ALDH1L1: variants seen among roughly 807,000 people sequenced by gnomAD.
The protein encoded by ALDH1L1 is aldehyde dehydrogenase 1 family member L1.
In ALDH1L1, 68 loss-of-function variants were observed where a neutral mutation model predicts 101.1. The observed-to-expected ratio is 0.67, with a 90% CI of 0.55 to 0.82. The LOEUF (loss-of-function observed/expected upper bound fraction) is 0.82, where lower values mean the gene tolerates loss of function less well. Ranked by LOEUF, ALDH1L1 falls within the 40% of genes least tolerant of loss-of-function variation. The probability of loss-of-function intolerance (pLI) is 0.00; values close to 1 mark genes in which losing one functional copy is unlikely to be tolerated. For missense variants in ALDH1L1, 1,087 were observed against 1,172.7 expected (o/e 0.93, Z 1.07); for synonymous variants, 486 against 470.8 (o/e 1.03, Z -0.42).
intron 9 of ALDH1L1, among the ~76,000 whole-genome samples, chr3:126,141,162 AAAG>A (rs1220905660): frequency 6.6e-6 from 1 of 152,128 alleles, no homozygotes; most frequent in Non-Finnish European, 1.5e-5. Context: ...TACAAGACAC[AAAG>A]AAGGACATTA....
At chr3:126,143,341 A>C in intron 9 of ALDH1L1, among the ~76,000 whole-genome samples, 1 of 152,132 alleles carries the variant, frequency 6.6e-6, no homozygotes, top group East Asian at 1.9e-4. Flanking sequence ...TGGGCAGTGC[A>C]TACACCATGG....
At chr3:126,154,366 G>T (rs140960751) in intron 6 of ALDH1L1, among the ~76,000 whole-genome samples, 188 bp downstream of exon 6, 1,565 of 152,336 alleles carry the variant, frequency 0.01, 34 homozygotes, top group African/African-American at 0.036. Flanking sequence ...CTATCCTTTA[G>T]CTACTGCAGG....
At chr3:126,146,973 A>C (rs1279819568) in intron 8 of ALDH1L1, 47 bp from the exon 9 acceptor site, 1 of 1,565,168 alleles carries the variant, frequency 6.4e-7, no homozygotes. Context: ...GGAGCTGGGG[A>C]CAAGTGCCAC....
intron 9 of ALDH1L1, among the ~76,000 whole-genome samples, chr3:126,140,542 C>T (rs755105075): frequency 6.6e-6 from 1 of 152,038 alleles, no homozygotes; most frequent in Admixed American, 6.6e-5. Flanking sequence ...TGTAACTTCT[C>T]TCTTTTTCCT....
intron 1 of ALDH1L1, among the ~76,000 whole-genome samples, chr3:126,161,886 A>C (rs1576478164): frequency 6.6e-6 from 1 of 152,170 alleles, no homozygotes; most frequent in African/African-American, 2.4e-5. Flanking sequence ...TAGTCACTAC[A>C]TTCACCAAGA....
chr3:126,156,369 G>A (rs1025020424), intron 4 of ALDH1L1: 6 of 152,214 alleles, frequency 3.9e-5, no homozygotes, highest in Non-Finnish European at 8.8e-5. Flanking sequence ...AATCTGTGGG[G>A]AAGACAAGTT....
At chr3:126,178,380 CA>C (rs56979863) in intron 1 of ALDH1L1, among the ~76,000 whole-genome samples, 3,329 of 73,392 alleles carry the variant, frequency 0.045, 60 homozygotes, top group African/African-American at 0.12. Context: ...GACCCTGTCT[CA>C]AAAAAAAAAA....
At chr3:126,112,673 G>A (rs1946116339) in intron 19 of ALDH1L1, 109 bp downstream of exon 19, 1 of 1,030,280 alleles carries the variant, frequency 9.7e-7, no homozygotes, top group Non-Finnish European at 1.5e-6. Flanking sequence ...CCTCCAGGAG[G>A]AGCCCAGCCT....
At position 126,160,981 on chromosome 3, in the gene ALDH1L1, G is replaced by A. The variant is rs2081036884; in HGVS notation, c.-2C>T. 6.2e-7 allele frequency: 1 copy of A among 1,614,170 alleles called. No homozygotes were observed. Among genetic ancestry groups the A allele is most frequent in the Non-Finnish European group, 8.5e-7 (1 of 1,180,032 alleles). On this transcript the variant is annotated 5_prime_UTR_variant, in exon 2 of 23. Transcript: ENST00000393434. ...CTGTCCAATCACTGCAATCTTCATG[G>A]TAGCAGGAGGGTTGGAAGGACCTGG... is the stretch of plus-strand genomic sequence containing the variant.
At chr3:126,122,596 TA>T (rs889682606) in intron 16 of ALDH1L1, among the ~76,000 whole-genome samples, 28 of 152,178 alleles carry the variant, frequency 1.8e-4, no homozygotes, top group African/African-American at 6.8e-4. Context: ...TAAAATTAAG[TA>T]ATATATATAG....
At chr3:126,188,940 T>C (rs1321428696) in intron 1 of ALDH1L1, among the ~76,000 whole-genome samples, 1 of 152,128 alleles carries the variant, frequency 6.6e-6, no homozygotes, top group East Asian at 1.9e-4. Flanking sequence ...AATAGCCTGT[T>C]TGTTGTTTTT....
chr3:126,163,275 A>G (rs1011389270), intron 1 of ALDH1L1, among the ~76,000 whole-genome samples: 13 of 152,332 alleles, frequency 8.5e-5, no homozygotes, highest in African/African-American at 3.1e-4. Context: ...TAGAAATACA[A>G]TTGATTTTGT....
intron 1 of ALDH1L1, among the ~76,000 whole-genome samples, chr3:126,174,945 A>G (rs1395377347): frequency 6.6e-6 from 1 of 152,152 alleles, no homozygotes; most frequent in Non-Finnish European, 1.5e-5. Context: ...GAAAATCAAC[A>G]AAACCTAAAG....
chr3:126,117,858 T>G, intron 17 of ALDH1L1, 147 bp downstream of exon 17: 1 of 787,328 alleles, frequency 1.3e-6, no homozygotes, highest in Non-Finnish European at 2.0e-6. Flanking sequence ...CAGATGCCTC[T>G]TCAGCGTTTG....
chr3:126,132,915 A>G (rs1200939084), intron 12 of ALDH1L1, among the ~76,000 whole-genome samples: 1 of 152,244 alleles, frequency 6.6e-6, no homozygotes, highest in Non-Finnish European at 1.5e-5. Context: ...GGTTTGCTGC[A>G]TAAAACCAAC....
chr3:126,108,024 T>C (rs1225109326), intron 20 of ALDH1L1: 4 of 152,266 alleles, frequency 2.6e-5, no homozygotes, highest in African/African-American at 7.2e-5. Context: ...TTTCAAACCA[T>C]GTTAAAAAGT....
rs199640048 is a variant in ALDH1L1 at position 126,131,440 on chromosome 3, C to T, written c.1567G>A (p.Val523Met). The T allele has an allele frequency of 3.0e-5, 49 of 1,613,408 alleles. No individual in the cohort carries two copies. Among genetic ancestry groups the T allele is most frequent in the Non-Finnish European group, 3.8e-5 (45 of 1,179,400 alleles). ...CGGAAGGTCTGGATGGACATGCCCA[C>T]GTGGGTCTTCAGGGCCAGCGTGTAG... ...AVYTLALKTH[V>M]GMSIQTFRYF... Residue 523 changes from valine (V) to methionine (M), a missense_variant, in exon 13 of 23, where the codon GTG becomes ATG. Val to Met is a conservative substitution (Grantham distance 21). This residue lies in a region of ALDH1L1 where 442 missense variants were observed against 535.7 expected (regional missense o/e 0.83). Transcript: ENST00000393434.
chr3:126,177,320 T>C (rs976658268), intron 1 of ALDH1L1, among the ~76,000 whole-genome samples: 34 of 152,330 alleles, frequency 2.2e-4, no homozygotes, highest in African/African-American at 7.5e-4. Flanking sequence ...AGTATGTGAA[T>C]GGAGAAATAA....
intron 1 of ALDH1L1, among the ~76,000 whole-genome samples, chr3:126,173,638 T>C (rs565560629): frequency 6.6e-6 from 1 of 152,300 alleles, no homozygotes; most frequent in East Asian, 1.9e-4. Flanking sequence ...GGTGTAAATA[T>C]ACCAATTAAA....
Sources: allele counts gnomAD v4.1 joint callset (sites outside exome capture counted in the v4.1 genomes callset), GRCh38; gene constraint gnomAD v4.1.1; regional missense constraint gnomAD v4.1.1; transcripts MANE v1.5; gene names NCBI Gene and HGNC (gene_info 2026-07-23, HGNC 2026-07-21).